The following NFXL1 variants were observed in gnomAD, a reference collection of about 807,000 sequenced individuals.
NFXL1 encodes nuclear transcription factor, X-box binding like 1.
In NFXL1, 66 loss-of-function variants were observed where a neutral mutation model predicts 123.3. The ratio of observed to expected loss-of-function variants is 0.54; its 90% confidence interval spans 0.44 to 0.66. The LOEUF (loss-of-function observed/expected upper bound fraction) is 0.66, where lower values mean the gene tolerates loss of function less well. Among genes scored for constraint, NFXL1 ranks in the 30% least tolerant of loss-of-function variants. The pLI, the probability that NFXL1 is intolerant of heterozygous loss-of-function variation, is 0.00. For synonymous variants in NFXL1, 346 were observed against 360.8 expected (o/e 0.96, Z 0.46); for missense variants, 944 against 1,125.6 (o/e 0.84, Z 2.31).
At chr4:47,888,080 C>T (rs1736550036) in intron 12 of NFXL1, among the ~76,000 whole-genome samples, 1 of 152,150 alleles carries the variant, frequency 6.6e-6, no homozygotes, top group African/African-American at 2.4e-5. Flanking sequence ...TCGAGACCAT[C>T]CTAGCCAACA....
At chr4:47,855,185 G>C (rs777526196) in intron 19 of NFXL1, 22 bp from the exon 20 acceptor site, 8 of 1,335,784 alleles carry the variant, frequency 6.0e-6, no homozygotes, top group Non-Finnish European at 8.5e-6. Context: ...TCAAAATAAA[G>C]CAATTACATA....
chr4:47,862,864 T>C lies in NFXL1; in HGVS notation c.2298A>G (p.Lys766=). Residue 766 remains lysine, a synonymous_variant, in exon 19 of 23, where the codon AAA becomes AAG. Transcript: ENST00000507489. ...AGCTTACCTCTTTAGGGCACTGATT[T>C]TTGCAACAACTGAGGAGGTTCTTTT... ...VNEKNLLSCC[K]NQCPKELPCG... The C allele has an allele frequency of 6.3e-7, 1 of 1,579,476 alleles. No individual in the cohort carries two copies. The highest frequency in any genetic ancestry group is 8.6e-7 in the Non-Finnish European group (1 of 1,163,900).
chr4:47,863,004 C>A, intron 18 of NFXL1, 89 bp from the exon 19 acceptor site: 1 of 717,374 alleles, frequency 1.4e-6, no homozygotes, highest in South Asian at 1.7e-5. Flanking sequence ...CAAACATATC[C>A]ATAAAATTAT....
chr4:47,856,333 T>C (rs1161295356), intron 19 of NFXL1, among the ~76,000 whole-genome samples: 2 of 152,180 alleles, frequency 1.3e-5, no homozygotes, highest in Non-Finnish European at 2.9e-5. Flanking sequence ...TATTATAAGT[T>C]CCTTGAGGGC....
At chr4:47,864,844 A>G (rs917642756) in intron 18 of NFXL1, among the ~76,000 whole-genome samples, 1 of 152,214 alleles carries the variant, frequency 6.6e-6, no homozygotes. Flanking sequence ...ACCAGTAAAC[A>G]TAAGTTAAGT....
At position 47,897,958 on chromosome 4, in the gene NFXL1, A is replaced by T; in HGVS notation, c.1204+9T>A. On this transcript the variant is annotated intron_variant, in intron 9 of 22. Transcript: ENST00000507489. The stretch of plus-strand genomic sequence containing the variant: ...TTCCTATATAAATATAAAAAAAAAC[A>T]AGTCTTACTTGATTTCTGACATGGA... 6.6e-7 allele frequency: 1 copy of T among 1,512,588 alleles called. No individual in the cohort carries two copies. The highest frequency in any genetic ancestry group is 9.0e-7 in the Non-Finnish European group (1 of 1,108,032). The allele number at this position is 1,512,588 out of a possible 1,614,324, so 93.7% of individuals were successfully genotyped here.
intron 18 of NFXL1, among the ~76,000 whole-genome samples, chr4:47,865,680 A>T (rs1207981768): frequency 1.3e-5 from 2 of 152,180 alleles, no homozygotes; most frequent in Non-Finnish European, 2.9e-5. Context: ...AGCACTAACT[A>T]AAGGGAATGG....
At position 47,896,582 on chromosome 4, in the gene NFXL1, A is replaced by G; in HGVS notation, c.1270T>C (p.Cys424Arg). The G allele has an allele frequency of 6.2e-7, 1 of 1,613,066 alleles. No homozygotes were observed. The highest frequency in any genetic ancestry group is 8.5e-7 in the Non-Finnish European group (1 of 1,179,086). ...CGDSCDKVLE[C>R]GIHRCSQRCH... ...CGCTGTGAACATCTATGGATTCCGC[A>G]TTCAAGTACTTTGTCACAACTGTCT... The change falls in exon 10 of 23, where the codon TGC becomes CGC. Residue 424 changes from cysteine to arginine, a missense_variant. Cys to Arg is a radical substitution (Grantham distance 180). Around this residue, in one of 4 missense-constraint regions of NFXL1, gnomAD observed 296 missense variants for 395.1 expected, o/e 0.75. Coordinates refer to ENST00000507489, the MANE Select transcript of NFXL1 (RefSeq NM_001278624.2).
chr4:47,851,273 G>T (rs1026310885), intron 21 of NFXL1, 125 bp from the exon 22 acceptor site: 1 of 679,960 alleles, frequency 1.5e-6, no homozygotes. Context: ...ATCATTTAAA[G>T]AAATGTAAAT....
chr4:47,875,638 TAC>T (rs948233121), intron 17 of NFXL1, among the ~76,000 whole-genome samples: 3 of 152,102 alleles, frequency 2.0e-5, no homozygotes, highest in African/African-American at 7.2e-5. Context: ...AAATAAAATA[TAC>T]AGAGTAAGAA....
chr4:47,857,797 C>A (rs541742605), intron 19 of NFXL1, among the ~76,000 whole-genome samples: 1 of 152,180 alleles, frequency 6.6e-6, no homozygotes, highest in East Asian at 1.9e-4. Context: ...CATGGTGAGT[C>A]TATTAGGTTT....
intron 12 of NFXL1, 144 bp downstream of exon 12, chr4:47,890,468 CT>C: frequency 1.7e-6 from 1 of 583,940 alleles, no homozygotes; most frequent in Non-Finnish European, 3.0e-6. Flanking sequence ...GGCAAACTGC[CT>C]TACCTTCTTC....
intron 12 of NFXL1, 86 bp downstream of exon 12, chr4:47,890,527 C>G: frequency 1.4e-6 from 1 of 729,362 alleles, no homozygotes; most frequent in Non-Finnish European, 2.4e-6. Context: ...AACGCTATTT[C>G]AATACATTAT....
chr4:47,899,089 T>A lies in NFXL1; in HGVS notation c.858A>T (p.Thr286=). The A allele has an allele frequency of 6.2e-7, 1 of 1,609,280 alleles. No individual in the cohort carries two copies. ...GPCPPCPKMV[T]TTCYCKKAKP... is the part of the protein sequence containing the mutation. ...TTGCTTTCTTACAGTAACAAGTAGTTGTGACCATCTTTGGACAAGGAGGGC... is the reference window on the plus strand; with the variant it reads ...TTGCTTTCTTACAGTAACAAGTAGTAGTGACCATCTTTGGACAAGGAGGGC... Residue 286 remains threonine (T), a synonymous_variant, in exon 7 of 23, where the codon ACA becomes ACT. Coordinates refer to ENST00000507489, the MANE Select transcript of NFXL1 (RefSeq NM_001278624.2).
intron 6 of NFXL1, 112 bp downstream of exon 6, chr4:47,899,258 T>C: frequency 7.7e-7 from 1 of 1,305,542 alleles, no homozygotes; most frequent in Middle Eastern, 2.0e-4. Flanking sequence ...ACTTTCAATA[T>C]TTTCTCATGG....
At chr4:47,909,941 G>A (rs62298266) in intron 3 of NFXL1, among the ~76,000 whole-genome samples, 49,449 of 152,080 alleles carry the variant, frequency 0.33, 9,835 homozygotes, top group Non-Finnish European at 0.44. Flanking sequence ...GGTTATAGGC[G>A]TGAGCCACTA....
chr4:47,890,566 C>T (rs762710236), intron 12 of NFXL1, 47 bp downstream of exon 12: 5 of 1,014,356 alleles, frequency 4.9e-6, no homozygotes, highest in South Asian at 1.4e-5. Context: ...AAAAAAAAAC[C>T]ACTACATCAC....
intron 3 of NFXL1, among the ~76,000 whole-genome samples, chr4:47,907,006 T>C (rs536610755): frequency 5.3e-5 from 8 of 152,356 alleles, no homozygotes; most frequent in African/African-American, 1.7e-4. Flanking sequence ...CTAATGTGTC[T>C]CAGTTTTGTC....
Position 47,879,104 on chromosome 4 carries a change from TC to T in NFXL1, c.1929del (p.Lys644AsnfsTer4). 7.2e-7 allele frequency: 1 copy of T among 1,383,594 alleles called. No homozygotes were observed. The highest frequency in any genetic ancestry group is 9.7e-7 in the Non-Finnish European group (1 of 1,026,694). 85.7% of individuals were successfully genotyped at this position (1,383,594 alleles called of 1,614,324 possible). ...CQVPIPMECL[G>X]KHEVSPLPCH... ...TTGTGCCTGTAACTTACCTCATGTTTCCCAAGACATTCCCTACAAGGAAAAA... is the reference window on the plus strand; with the variant it reads ...TTGTGCCTGTAACTTACCTCATGTTTCCAAGACATTCCCTACAAGGAAAAA... On this transcript the variant is annotated frameshift_variant, in exon 16 of 23. Coordinates refer to ENST00000507489, the MANE Select transcript of NFXL1 (RefSeq NM_001278624.2). LOFTEE classifies it high-confidence loss of function.
Sources: gnomAD v4.1 joint callset for allele counts (sites outside exome capture counted in the v4.1 genomes callset) on GRCh38, gnomAD v4.1.1 for gene constraint, gnomAD v4.1.1 regional missense constraint, MANE v1.5 for transcripts, NCBI Gene and HGNC (gene_info 2026-07-23, HGNC 2026-07-21) for gene names.